The following FOXP2 variants were observed in gnomAD, a reference collection of about 807,000 sequenced individuals.
FOXP2 encodes the protein forkhead box P2, also known as forkhead box protein P2.
A neutral mutation model predicts 115.8 loss-of-function variants in FOXP2; 12 were observed. The ratio of observed to expected loss-of-function variants is 0.10; its 90% CI spans 0.07 to 0.17. The LOEUF is 0.17. Among genes scored for constraint, FOXP2 ranks in the 10% least tolerant of loss-of-function variants. The pLI is 1.00. For synonymous variants in FOXP2, 328 were observed against 297.7 expected, an observed-to-expected ratio of 1.10 and a Z score of -1.05; for missense variants, 629 against 843.5, an observed-to-expected ratio of 0.75 and a Z score of 3.15.
At chr7:114,338,866 G>A (rs1435891061) in intron 2 of FOXP2, among the ~76,000 whole-genome samples, 1 of 150,820 alleles carries the variant, frequency 6.6e-6, no homozygotes, top group Non-Finnish European at 1.5e-5. Flanking sequence ...ATCACCAGGT[G>A]TTATTTCTAA....
chr7:114,655,472 A>C (rs1204314653), intron 10 of FOXP2, among the ~76,000 whole-genome samples: 2 of 152,170 alleles, frequency 1.3e-5, no homozygotes, highest in Non-Finnish European at 2.9e-5. Flanking sequence ...ACAGAATCTT[A>C]GATGAGCGAT....
Position 114,105,067 on chromosome 7 carries a change from T to G in FOXP2, c.-247+17229T>G, listed in dbSNP as rs117981100. On this transcript the variant is annotated intron_variant, in intron 1 of 19. Coordinates refer to the FOXP2 transcript ENST00000635638. ...AATTTCACATATAGAAAACAAATTA[T>G]ATAAAGGAGGGAATACTCTGAGACT... 1.8e-4 allele frequency among the ~76,000 whole-genome samples: 27 copies of G among 152,078 alleles called. 1 individual carries two copies. The East Asian group carries it at 3.7e-3, about 21-fold the overall frequency.
In FOXP2 at chr7:114,642,795, TATATATATA is replaced by T. The variant is rs1434025650; in HGVS notation, c.989+173_989+181del. On this transcript the variant is annotated intron_variant, in intron 7 of 16. Transcript: ENST00000350908. The stretch of plus-strand genomic sequence containing the variant: ...TTTATATATAATATATATATATATA[TATATATATA>T]TATATATATTTTTTTTTTTTTTTAG... Among the ~76,000 whole-genome samples, 20 of 38,600 alleles carry T rather than the reference TATATATATA, an allele frequency of 5.2e-4. 1 individual carries two copies. The highest frequency in any genetic ancestry group is 3.6e-3 in the East Asian group (5 of 1,398). 25.3% of individuals were successfully genotyped at this position (38,600 alleles called of 152,430 possible). A position where few individuals can be genotyped will look rare whatever the true frequency, so the allele number is the denominator to read the frequency against.
At chr7:114,573,421 G>A (rs1368997386) in intron 3 of FOXP2, among the ~76,000 whole-genome samples, 1 of 151,664 alleles carries the variant, frequency 6.6e-6, no homozygotes, top group Non-Finnish European at 1.5e-5. Context: ...ATGCCAGAGT[G>A]GTAGTCTGGA....
chr7:114,493,978 T>C (rs1019171562), intron 2 of FOXP2, among the ~76,000 whole-genome samples: 2 of 151,964 alleles, frequency 1.3e-5, no homozygotes, highest in Non-Finnish European at 2.9e-5. Context: ...TCTATAATTC[T>C]AATGTCAACA....
chr7:114,317,798 C>T (rs866423189), intron 2 of FOXP2, among the ~76,000 whole-genome samples: 2 of 152,138 alleles, frequency 1.3e-5, no homozygotes, highest in African/African-American at 2.4e-5. Flanking sequence ...AATCTAATTT[C>T]AGATCTTATT....
At chr7:114,297,405 G>A (rs1279943754) in intron 2 of FOXP2, 2 of 653,908 alleles carry the variant, frequency 3.1e-6, no homozygotes, top group Non-Finnish European at 5.3e-6. Context: ...GAGGCCCACT[G>A]TCATAGGGGT....
chr7:114,371,368 G>A (rs1051059467), intron 2 of FOXP2, among the ~76,000 whole-genome samples: 3 of 151,636 alleles, frequency 2.0e-5, no homozygotes, highest in Non-Finnish European at 4.4e-5. Context: ...TTACAGGCAT[G>A]AGCCACCGCA....
At position 114,343,756 on chromosome 7, in the gene FOXP2, A is replaced by G. The variant is rs1584651778; in HGVS notation, c.-11+55647A>G. ...GCTAATTCCTTTACTTTCTTCAGAA[A>G]TTTGCTCAATGTCACCTTCTTAATA... On this transcript the variant is annotated intron_variant, in intron 2 of 17. Coordinates refer to the FOXP2 transcript ENST00000634411. Among the ~76,000 whole-genome samples, 3 of 151,722 alleles carry G rather than the reference A, an allele frequency of 2.0e-5. No homozygotes were observed. In the Admixed American group the frequency reaches 2.0e-4, roughly 10 times the overall value.
chr7:114,647,737 A>G (rs1805994296), intron 8 of FOXP2, among the ~76,000 whole-genome samples: 1 of 152,072 alleles, frequency 6.6e-6, no homozygotes, highest in Non-Finnish European at 1.5e-5. Context: ...ACAAAACTTT[A>G]GAGTAGTTTG....
intron 6 of FOXP2, among the ~76,000 whole-genome samples, chr7:114,639,086 A>G (rs1805385104): frequency 6.6e-6 from 1 of 152,216 alleles, no homozygotes; most frequent in African/African-American, 2.4e-5. Flanking sequence ...TAAATTATTA[A>G]TAAAATCCAA....
rs532053733 is a variant in FOXP2 at position 114,178,044 on chromosome 7, A to G, written c.-102+14956A>G. Reference sequence around the variant, plus strand: ...TACCATTAAGTGGTATTTTGGTTTTATTATGAATCATACATATGAAGTGTA... The same window carrying G: ...TACCATTAAGTGGTATTTTGGTTTTGTTATGAATCATACATATGAAGTGTA... On this transcript the variant is annotated intron_variant, in intron 1 of 17. Coordinates refer to the FOXP2 transcript ENST00000634411. Among the ~76,000 whole-genome samples, 23 of 152,038 alleles carry G rather than the reference A, an allele frequency of 1.5e-4. 1 individual carries two copies. The highest frequency in any genetic ancestry group is 9.7e-4 in the East Asian group (5 of 5,178).
At chr7:114,602,002 C>T (rs1458812700) in intron 3 of FOXP2, among the ~76,000 whole-genome samples, 1 of 151,948 alleles carries the variant, frequency 6.6e-6, no homozygotes, top group Non-Finnish European at 1.5e-5. Flanking sequence ...ACAATTAGAT[C>T]ATGTATTAAT....
intron 2 of FOXP2, among the ~76,000 whole-genome samples, chr7:114,508,138 G>A (rs748460808): frequency 2.6e-5 from 4 of 151,930 alleles, no homozygotes; most frequent in Admixed American, 1.3e-4. Flanking sequence ...ATTTAAATGT[G>A]ATAGATAGTG....
intron 1 of FOXP2, among the ~76,000 whole-genome samples, chr7:114,238,715 T>G (rs961579315): frequency 1.3e-5 from 2 of 151,976 alleles, no homozygotes; most frequent in Non-Finnish European, 2.9e-5. Flanking sequence ...GAGGCTGCAG[T>G]GAGCCAAGAT....
intron 1 of FOXP2, among the ~76,000 whole-genome samples, chr7:114,113,856 T>A (rs1224745795): frequency 6.6e-6 from 1 of 152,062 alleles, no homozygotes; most frequent in Admixed American, 6.6e-5. Flanking sequence ...CCAACATGAT[T>A]ATTTTTGGGG....
intron 2 of FOXP2, among the ~76,000 whole-genome samples, chr7:114,470,750 C>T (rs1314328260): frequency 2.6e-5 from 4 of 152,044 alleles, no homozygotes; most frequent in Middle Eastern, 3.2e-3. Flanking sequence ...GTCGTCTTTC[C>T]CTAACATACA....
rs184079828 is a variant in FOXP2, at chr7:114,193,031, G to A, written c.-102+29943G>A. On this transcript the variant is annotated intron_variant, in intron 1 of 17. Coordinates refer to the FOXP2 transcript ENST00000634411. ...TCAGTCTCTATGCCTTAGACCAGTGGTCCTCCATACTCTAGGTTATATTAA... is the reference window on the plus strand; with the variant it reads ...TCAGTCTCTATGCCTTAGACCAGTGATCCTCCATACTCTAGGTTATATTAA... 3.6e-3 allele frequency among the ~76,000 whole-genome samples: 545 copies of A among 152,046 alleles called. 2 individuals carry two copies. The Middle Eastern group carries it at 0.041, about 11-fold the overall frequency.
chr7:114,275,911 T>A (rs984536061), intron 1 of FOXP2, among the ~76,000 whole-genome samples: 7 of 152,220 alleles, frequency 4.6e-5, no homozygotes, highest in South Asian at 4.1e-4. Context: ...ACTTCACAAG[T>A]GTTTTTCAGT....
Sources: allele counts gnomAD v4.1 joint callset (sites outside exome capture counted in the v4.1 genomes callset), GRCh38; gene constraint gnomAD v4.1.1; transcripts MANE v1.5; gene names NCBI Gene and HGNC (gene_info 2026-07-23, HGNC 2026-07-21).